ANKRD13B: variants seen among roughly 807,000 people sequenced by gnomAD.
ANKRD13B encodes the protein ankyrin repeat domain 13B.
A neutral mutation model predicts 74.4 loss-of-function variants in ANKRD13B; 33 were observed. That is an observed-to-expected ratio of 0.44 (90% confidence interval 0.34 to 0.59). The LOEUF is 0.59. ANKRD13B is among the 20% of genes least tolerant of loss of function. The pLI is 0.02. For missense variants in ANKRD13B, 676 were observed against 877.9 expected, an observed-to-expected ratio of 0.77 and a Z score of 2.91; for synonymous variants, 341 against 362.9, an observed-to-expected ratio of 0.94 and a Z score of 0.68.
rs2034090930 is a variant in ANKRD13B, at chr17:29,599,865, G to GTTGTTTTTTT, written c.114+6132_114+6133insGTTTTTTTTT. 4.5e-4 allele frequency among the ~76,000 whole-genome samples: 23 copies of GTTGTTTTTTT among 50,768 alleles called. 1 individual carries two copies. Among genetic ancestry groups the GTTGTTTTTTT allele is most frequent in the African/African-American group, 1.6e-3 (22 of 13,570 alleles). The allele number at this position is 50,768 out of a possible 152,430, so 33.3% of individuals were successfully genotyped here. A position where few individuals can be genotyped will look rare whatever the true frequency, so the allele number is the denominator to read the frequency against. On this transcript the variant is annotated intron_variant, in intron 1 of 14. Transcript: ENST00000394859. ...CCTCTGGGTTCTTAGCATCTAATTT[G>GTTGTTTTTTT]TTTTTTTTTTTTTTTTTTTTTTTTT...
rs1433037542 is a variant in ANKRD13B at position 29,608,470 on chromosome 17, C to T, written c.421+230C>T. The stretch of plus-strand genomic sequence containing the variant: ...TTTGCTTACTGTATTCATGACCTGC[C>T]GCTCCTTGTTAGAAGGTAAGCTCTG... On this transcript the variant is annotated intron_variant, in intron 4 of 14. Transcript: ENST00000394859. This position sits in a 1 kb window ranked among gnomAD's most constrained non-coding sequence, Gnocchi z 6.4. Among the ~76,000 whole-genome samples, 1 of 152,184 alleles carries T rather than the reference C, an allele frequency of 6.6e-6. No homozygotes were observed. The highest frequency in any genetic ancestry group is 1.5e-5 in the Non-Finnish European group (1 of 68,044).
At chr17:29,607,406 G>A (rs2034427203) in intron 1 of ANKRD13B, among the ~76,000 whole-genome samples, 2 of 152,186 alleles carry the variant, frequency 1.3e-5, no homozygotes, top group South Asian at 4.1e-4. Flanking sequence ...TCAGTCCCAG[G>A]CTTATTCTTG....
chr17:29,611,458 G>A lies in ANKRD13B; in HGVS notation c.905-121G>A. ...TGAAGGTGCCTGAGTATGTGGTTGGGTGAGCAGGCCCCACCCCAGGAACCG... is the reference window on the plus strand; with the variant it reads ...TGAAGGTGCCTGAGTATGTGGTTGGATGAGCAGGCCCCACCCCAGGAACCG... On this transcript the variant is annotated intron_variant, in intron 8 of 14. Coordinates refer to ENST00000394859, the MANE Select transcript of ANKRD13B (RefSeq NM_152345.5). This position sits in a 1 kb window ranked among gnomAD's most constrained non-coding sequence, Gnocchi z 4.3. 1 of 1,002,608 alleles carries A rather than the reference G, an allele frequency of 1.0e-6. No individual in the cohort carries two copies. Among genetic ancestry groups the A allele is most frequent in the Non-Finnish European group, 1.5e-6 (1 of 648,434 alleles). The allele number at this position is 1,002,608 out of a possible 1,614,324, so 62.1% of individuals were successfully genotyped here.
rs2034603283 is a variant in ANKRD13B at position 29,612,240 on chromosome 17, C to G, written c.1225C>G (p.Leu409Val). The G allele has an allele frequency of 6.2e-7, 1 of 1,614,024 alleles. No individual in the cohort carries two copies. The highest frequency in any genetic ancestry group is 1.3e-5 in the African/African-American group (1 of 74,932). ...TGCCAAGCTCCGGGACTTCATCACC[C>G]TGCGTCTGCCTCCTGGCTTCCCAGT... Reference protein sequence around the residue: ...LFAKLRDFITLRLPPGFPVKI... With the variant: ...LFAKLRDFITVRLPPGFPVKI... The change falls in exon 11 of 15, where the codon CTG becomes GTG. Residue 409 changes from leucine to valine, a missense_variant. Around this residue, in one of 4 missense-constraint regions of ANKRD13B, gnomAD observed 328 missense variants for 518.4 expected, o/e 0.63. Transcript: ENST00000394859. The surrounding 1 kb of genome is among the most constrained non-coding windows in gnomAD (Gnocchi z 6.1).
chr17:29,597,572 GGGTGT>G (rs1391341022), intron 1 of ANKRD13B, among the ~76,000 whole-genome samples: 1 of 152,152 alleles, frequency 6.6e-6, no homozygotes, highest in Non-Finnish European at 1.5e-5. Context: ...GGGGAGGGCT[GGGTGT>G]TGGGTTTCAT....
rs749857310 is a variant in ANKRD13B at position 29,607,767 on chromosome 17, G to A, written c.140G>A (p.Arg47His). Reference sequence around the variant, plus strand: ...GTGGACATCGAGCAGCTGGATCCCCGCGGCCGGACTCCCCTGCACCTGGCC... The same window carrying A: ...GTGGACATCGAGCAGCTGGATCCCCACGGCCGGACTCCCCTGCACCTGGCC... Reference protein sequence around the residue: ...GQVDIEQLDPRGRTPLHLATT... With the variant: ...GQVDIEQLDPHGRTPLHLATT... Residue 47 changes from arginine (R) to histidine (H), a missense_variant, in exon 2 of 15, where the codon CGC becomes CAC. By Grantham distance (29) the Arg-to-His change is conservative. Coordinates refer to ENST00000394859, the MANE Select transcript of ANKRD13B (RefSeq NM_152345.5). 33 of 1,600,778 alleles carry A rather than the reference G, an allele frequency of 2.1e-5. No homozygotes were observed. Among genetic ancestry groups the A allele is most frequent in the Non-Finnish European group, 2.6e-5 (31 of 1,179,570 alleles).
At chr17:29,613,004 T>C (rs1162665416) in intron 14 of ANKRD13B, 41 bp downstream of exon 14, 1 of 1,577,332 alleles carries the variant, frequency 6.3e-7, no homozygotes, top group East Asian at 2.3e-5. Context: ...CCGGAGAGGA[T>C]CCTGTCTCCC....
intron 14 of ANKRD13B, 64 bp from the exon 15 acceptor site, chr17:29,613,290 G>A: frequency 1.4e-6 from 2 of 1,385,802 alleles, no homozygotes; most frequent in Non-Finnish European, 9.3e-7. Context: ...TCCACGCCGT[G>A]TCCCGGCCCC....
intron 1 of ANKRD13B, among the ~76,000 whole-genome samples, chr17:29,603,920 C>T (rs1463200155): frequency 1.4e-5 from 2 of 147,814 alleles, no homozygotes; most frequent in Non-Finnish European, 3.0e-5. Flanking sequence ...CTCTGTTGCC[C>T]AGGCTGGAGT....
chr17:29,607,897 C>G lies in ANKRD13B; in HGVS notation c.250+20C>G, dbSNP rs1217765218. The G allele has an allele frequency of 6.3e-7, 1 of 1,585,430 alleles. No individual in the cohort carries two copies. The highest frequency in any genetic ancestry group is 1.7e-5 in the Admixed American group (1 of 57,586). ...GGACAGGTGGGCAGCCCTGCTCACC[C>G]CAGCCCCACAGCCGGGGCCTCCCCA... On this transcript the variant is annotated intron_variant, in intron 2 of 14. Transcript: ENST00000394859.
In ANKRD13B at chr17:29,607,831, G is replaced by A. The variant is rs761553685; in HGVS notation, c.204G>A (p.Leu68=). 3.7e-6 allele frequency: 6 copies of A among 1,605,048 alleles called. No homozygotes were observed. The highest frequency in any genetic ancestry group is 2.2e-5 in the East Asian group (1 of 44,864). Residue 68 remains leucine, a synonymous_variant, in exon 2 of 15, where the codon CTG becomes CTA. Transcript: ENST00000394859. ...ACCTTGAGTGTGCCCGTGTGCTCCTGGCGCACGGCGCAGACGTGGGCAGGG... is the reference window on the plus strand; with the variant it reads ...ACCTTGAGTGTGCCCGTGTGCTCCTAGCGCACGGCGCAGACGTGGGCAGGG... The part of the protein sequence containing the change: ...LGHLECARVL[L]AHGADVGREN...
intron 1 of ANKRD13B, among the ~76,000 whole-genome samples, chr17:29,603,136 A>G (rs887544515): frequency 3.9e-5 from 6 of 151,968 alleles, no homozygotes; most frequent in African/African-American, 1.4e-4. Flanking sequence ...GGCGTGAGCC[A>G]CCGCACCCGG....
Position 29,609,456 on chromosome 17 carries a change from C to T in ANKRD13B, c.822+35C>T, listed in dbSNP as rs773911634. ...CAGCTCCCAGCTGCCAGCCCAGCTGCACTCTTGCCTACAGCAAGCTGTACA... is the reference window on the plus strand; with the variant it reads ...CAGCTCCCAGCTGCCAGCCCAGCTGTACTCTTGCCTACAGCAAGCTGTACA... On this transcript the variant is annotated intron_variant, in intron 7 of 14. Coordinates refer to ENST00000394859, the MANE Select transcript of ANKRD13B (RefSeq NM_152345.5). The surrounding 1 kb of genome is among the most constrained non-coding windows in gnomAD (Gnocchi z 4.0). 15 of 1,610,264 alleles carry T rather than the reference C, an allele frequency of 9.3e-6. No individual in the cohort carries two copies. In the African/African-American group the frequency reaches 1.7e-4, roughly 19 times the overall value.
At position 29,608,045 on chromosome 17, in the gene ANKRD13B, C is replaced by T. The variant is rs1301458278; in HGVS notation, c.310C>T (p.Arg104Trp). The T allele has an allele frequency of 1.9e-6, 3 of 1,613,130 alleles. No homozygotes were observed. Among genetic ancestry groups the T allele is most frequent in the Non-Finnish European group, 2.5e-6 (3 of 1,179,654 alleles). The change falls in exon 3 of 15, where the codon CGG (arginine) becomes TGG (tryptophan). Residue 104 changes from arginine to tryptophan, a missense_variant. Coordinates refer to ENST00000394859, the MANE Select transcript of ANKRD13B (RefSeq NM_152345.5). This position sits in a 1 kb window ranked among gnomAD's most constrained non-coding sequence, Gnocchi z 6.4. ...LELVQLVLRY[R>W]DYQRVVKRLA... Reference sequence around the variant, plus strand: ...GCTGGTGCAGCTGGTGCTTCGGTACCGGGACTACCAGCGGGTGGTGAAGCG... The same window carrying T: ...GCTGGTGCAGCTGGTGCTTCGGTACTGGGACTACCAGCGGGTGGTGAAGCG...
chr17:29,599,945 C>T (rs572207159), intron 1 of ANKRD13B, among the ~76,000 whole-genome samples: 7 of 130,040 alleles, frequency 5.4e-5, no homozygotes, highest in Middle Eastern at 5.0e-3. Flanking sequence ...GGCGCAATCT[C>T]GGCTCACTGC....
In ANKRD13B at chr17:29,612,644, G is replaced by A; in HGVS notation, c.1412-8G>A. 6.5e-7 allele frequency: 1 copy of A among 1,535,754 alleles called. No homozygotes were observed. The highest frequency in any genetic ancestry group is 8.7e-7 in the Non-Finnish European group (1 of 1,146,908). Reference sequence around the variant, plus strand: ...CGGCCGTGCCTGACCCAGCCCCCGCGCCCCCAGCCTCCTGCCGCGGCTGCG... The same window carrying A: ...CGGCCGTGCCTGACCCAGCCCCCGCACCCCCAGCCTCCTGCCGCGGCTGCG... On this transcript the variant is annotated splice_region_variant and splice_polypyrimidine_tract_variant and intron_variant, in intron 12 of 14. Coordinates refer to ENST00000394859, the MANE Select transcript of ANKRD13B (RefSeq NM_152345.5). The surrounding 1 kb of genome is among the most constrained non-coding windows in gnomAD (Gnocchi z 6.1).
rs1445574277 is a variant in ANKRD13B, at chr17:29,608,165, G to C, written c.376-30G>C. The C allele has an allele frequency of 6.2e-7, 1 of 1,614,186 alleles. No individual in the cohort carries two copies. Among genetic ancestry groups the C allele is most frequent in the Admixed American group, 1.7e-5 (1 of 60,022 alleles). Reference sequence around the variant, plus strand: ...AGCCCTTGAGCCCTTCTCCAGTGCAGACTTAGCCTCTCTCCCCTTCGTCCT... The same window carrying C: ...AGCCCTTGAGCCCTTCTCCAGTGCACACTTAGCCTCTCTCCCCTTCGTCCT... On this transcript the variant is annotated intron_variant, in intron 3 of 14. Coordinates refer to ENST00000394859, the MANE Select transcript of ANKRD13B (RefSeq NM_152345.5). This position sits in a 1 kb window ranked among gnomAD's most constrained non-coding sequence, Gnocchi z 6.4.
At chr17:29,593,848 CTTTG>C (rs1424750548) in intron 1 of ANKRD13B, 113 bp downstream of exon 1, 12 of 478,960 alleles carry the variant, frequency 2.5e-5, no homozygotes, top group Admixed American at 5.3e-5. Context: ...TGCGGCGCGT[CTTTG>C]TTTGCGGCCG....
intron 1 of ANKRD13B, among the ~76,000 whole-genome samples, chr17:29,603,156 C>T (rs1415733795): frequency 6.6e-6 from 1 of 151,936 alleles, no homozygotes. Flanking sequence ...GCCTATTTCT[C>T]TAAATTTGTC....
Sources: allele counts gnomAD v4.1 joint callset (sites outside exome capture counted in the v4.1 genomes callset), GRCh38; gene constraint gnomAD v4.1.1; regional missense constraint gnomAD v4.1.1; non-coding constraint Gnocchi (gnomAD v3.1); transcripts MANE v1.5; gene names NCBI Gene and HGNC (gene_info 2026-07-23, HGNC 2026-07-21).